The following JMJD1C variants were observed in gnomAD, a reference collection of about 807,000 sequenced individuals.
The protein encoded by JMJD1C is jumonji domain containing 1C, also known as jumonji domain-containing protein 1C.
A neutral mutation model predicts 245.3 loss-of-function variants in JMJD1C; 31 were observed. That is an observed-to-expected ratio of 0.13 (90% CI 0.09 to 0.17). The LOEUF is 0.17. Among genes scored for constraint, JMJD1C ranks in the 10% least tolerant of loss-of-function variants. JMJD1C has a pLI of 1.00. For synonymous variants in JMJD1C, 1,057 were observed against 1,017.4 expected, an observed-to-expected ratio of 1.04 and a Z score of -0.74; for missense variants, 2,691 against 3,000.2, an observed-to-expected ratio of 0.90 and a Z score of 2.41.
intron 2 of JMJD1C, among the ~76,000 whole-genome samples, chr10:63,285,864 T>A (rs372823202): frequency 6.6e-6 from 1 of 152,284 alleles, no homozygotes; most frequent in East Asian, 1.9e-4. Context: ...AAAAAGCCAA[T>A]GCCATAGTTA....
intron 2 of JMJD1C, among the ~76,000 whole-genome samples, chr10:63,336,208 T>G (rs1018548676): frequency 6.7e-6 from 1 of 149,588 alleles, no homozygotes; most frequent in Non-Finnish European, 1.5e-5. Context: ...CCATGTAATC[T>G]CAGCACTTTG....
At chr10:63,240,648 G>A (rs1163163702) in intron 3 of JMJD1C, among the ~76,000 whole-genome samples, 1 of 152,162 alleles carries the variant, frequency 6.6e-6, no homozygotes, top group Non-Finnish European at 1.5e-5. Context: ...GCCATAACCA[G>A]ACTGGGTGTG....
intron 1 of JMJD1C, among the ~76,000 whole-genome samples, chr10:63,475,922 T>G (rs1199590894): frequency 3.3e-5 from 5 of 152,138 alleles, no homozygotes; most frequent in African/African-American, 9.7e-5. Flanking sequence ...TTAAAGTTGA[T>G]AATGGGCTGG....
At chr10:63,172,022 T>A (rs1402724789) in intron 24 of JMJD1C, among the ~76,000 whole-genome samples, 1 of 152,236 alleles carries the variant, frequency 6.6e-6, no homozygotes, top group Non-Finnish European at 1.5e-5. Context: ...TGTGTTGTTG[T>A]CATTACACCC....
At position 63,291,123 on chromosome 10, in the gene JMJD1C, G is replaced by A. The variant is rs183173963; in HGVS notation, c.334-26359C>T. On this transcript the variant is annotated intron_variant, in intron 2 of 25. Transcript: ENST00000399262. ...AGTTCAAGACCAGCCTGGCTAACAC[G>A]GTGAAACTCTCTCTCTACTAACAAT... is the stretch of plus-strand genomic sequence containing the variant. Among the ~76,000 whole-genome samples, 6 of 151,370 alleles carry A rather than the reference G, an allele frequency of 4.0e-5. No individual in the cohort carries two copies. In the East Asian group the frequency reaches 5.9e-4, roughly 15 times the overall value.
intron 1 of JMJD1C, among the ~76,000 whole-genome samples, chr10:63,484,236 G>GGATGGATA (rs1416097314): frequency 6.9e-4 from 64 of 92,738 alleles, no homozygotes; most frequent in African/African-American, 1.7e-3. Context: ...ATGGATGGAT[G>GGATGGATA]GATAGATAGA....
chr10:63,272,461 G>A (rs1458992918), intron 2 of JMJD1C, among the ~76,000 whole-genome samples: 1 of 152,124 alleles, frequency 6.6e-6, no homozygotes. Context: ...ATGCTGACCA[G>A]GCTGGTCTCA....
At chr10:63,289,933 TAA>T (rs1256921161) in intron 2 of JMJD1C, among the ~76,000 whole-genome samples, 4 of 151,742 alleles carry the variant, frequency 2.6e-5, no homozygotes, top group South Asian at 2.1e-4. Context: ...AAATATATAA[TAA>T]AAGAGTATGA....
At chr10:63,386,213 T>C (rs906718600) in intron 1 of JMJD1C, among the ~76,000 whole-genome samples, 1 of 152,106 alleles carries the variant, frequency 6.6e-6, no homozygotes, top group Non-Finnish European at 1.5e-5. Context: ...CTAGGCATTT[T>C]CATATGCCCT....
chr10:63,265,308 C>G (rs1298658672), intron 2 of JMJD1C, among the ~76,000 whole-genome samples: 1 of 148,488 alleles, frequency 6.7e-6, no homozygotes, highest in Non-Finnish European at 1.5e-5. Flanking sequence ...CCCGCAGCTT[C>G]GGTGAGAGAA....
At chr10:63,409,621 C>T (rs1293008270) in intron 1 of JMJD1C, among the ~76,000 whole-genome samples, 2 of 152,164 alleles carry the variant, frequency 1.3e-5, no homozygotes, top group East Asian at 1.9e-4. Flanking sequence ...TGTCTCTGTT[C>T]TGCATCTGAG....
chr10:63,320,426 T>C (rs943361040), intron 2 of JMJD1C, among the ~76,000 whole-genome samples: 2 of 152,156 alleles, frequency 1.3e-5, no homozygotes, highest in African/African-American at 4.8e-5. Flanking sequence ...CATTTTCTTC[T>C]AGGAAAATAC....
intron 2 of JMJD1C, among the ~76,000 whole-genome samples, chr10:63,272,343 C>G (rs1256246018): frequency 6.6e-6 from 1 of 151,828 alleles, no homozygotes; most frequent in Non-Finnish European, 1.5e-5. Flanking sequence ...CCTCTGCCTC[C>G]TGGGTTCAAG....
intron 2 of JMJD1C, among the ~76,000 whole-genome samples, chr10:63,356,588 C>CT (rs1255550600): frequency 6.6e-6 from 1 of 152,154 alleles, no homozygotes; most frequent in African/African-American, 2.4e-5. Context: ...ATCCATCTGC[C>CT]TTTCAACTTT....
At chr10:63,226,586 G>A (rs1251101886) in intron 3 of JMJD1C, among the ~76,000 whole-genome samples, 5 of 151,704 alleles carry the variant, frequency 3.3e-5, no homozygotes, top group African/African-American at 7.3e-5. Context: ...GGTGGGGTGC[G>A]CACCTGTAGT....
At chr10:63,247,102 C>CAAAAAA (rs200646094) in intron 3 of JMJD1C, among the ~76,000 whole-genome samples, 7 of 60,848 alleles carry the variant, frequency 1.2e-4, no homozygotes, top group Non-Finnish European at 2.9e-4. Context: ...TAAACTGAGA[C>CAAAAAA]AAAAAAAACA....
chr10:63,357,820 C>A (rs1325755395), intron 2 of JMJD1C, among the ~76,000 whole-genome samples: 1 of 86,250 alleles, frequency 1.2e-5, no homozygotes, highest in Non-Finnish European at 2.4e-5. Context: ...AAGACACAGA[C>A]AGACAGACAC....
intron 1 of JMJD1C, among the ~76,000 whole-genome samples, chr10:63,475,372 TAGTA>T (rs1483258309): frequency 1.3e-5 from 2 of 152,250 alleles, no homozygotes; most frequent in South Asian, 2.1e-4. Flanking sequence ...ATGTTTTACT[TAGTA>T]AGGAAGATCT....
At chr10:63,325,310 A>T (rs1941378660) in intron 2 of JMJD1C, among the ~76,000 whole-genome samples, 1 of 152,198 alleles carries the variant, frequency 6.6e-6, no homozygotes, top group South Asian at 2.1e-4. Context: ...ATACTAGAAT[A>T]GGGTTTCTTC....
Sources: allele counts gnomAD v4.1 joint callset (sites outside exome capture counted in the v4.1 genomes callset), GRCh38; gene constraint gnomAD v4.1.1; transcripts MANE v1.5; gene names NCBI Gene and HGNC (gene_info 2026-07-23, HGNC 2026-07-21).